Variants in ADGRL2 observed in about 807,000 individuals in gnomAD.
The protein encoded by ADGRL2 is calcium-independent alpha-latrotoxin receptor 2.
ADGRL2 carries 44 observed loss-of-function variants against 157.4 expected under a neutral mutation model. The ratio of observed to expected loss-of-function variants is 0.28; its 90% CI spans 0.22 to 0.36. The LOEUF (loss-of-function observed/expected upper bound fraction) is 0.36, where lower values mean the gene tolerates loss of function less well. Ranked by LOEUF, ADGRL2 falls within the 10% of genes least tolerant of loss-of-function variation. ADGRL2 has a pLI of 1.00. For missense variants in ADGRL2, 1,510 were observed against 1,768.9 expected, an observed-to-expected ratio of 0.85 and a Z score of 2.63; for synonymous variants, 585 against 624.7, an observed-to-expected ratio of 0.94 and a Z score of 0.95.
chr1:81,530,455 C>T (rs1416280736), intron 2 of ADGRL2, among the ~76,000 whole-genome samples: 1 of 151,820 alleles, frequency 6.6e-6, no homozygotes, highest in East Asian at 1.9e-4. Context: ...TCAAGCAGTC[C>T]TCCCACCTCA....
chr1:81,966,278 A>G, intron 12 of ADGRL2, 95 bp downstream of exon 12: 1 of 1,548,190 alleles, frequency 6.5e-7, no homozygotes, highest in East Asian at 2.3e-5. Context: ...TAACAAAAAA[A>G]CGGCTTACCA....
chr1:81,405,093 G>A (rs2076829505), intron 1 of ADGRL2, among the ~76,000 whole-genome samples: 1 of 152,128 alleles, frequency 6.6e-6, no homozygotes, highest in Admixed American at 6.5e-5. Flanking sequence ...ATGGAACAGA[G>A]TACATATACT....
intron 2 of ADGRL2, among the ~76,000 whole-genome samples, chr1:81,896,697 T>C (rs1450234427): frequency 6.6e-6 from 1 of 152,132 alleles, no homozygotes; most frequent in Non-Finnish European, 1.5e-5. Context: ...AAGCATAAAG[T>C]AAAATAAAGT....
intron 1 of ADGRL2, among the ~76,000 whole-genome samples, chr1:81,731,862 A>T (rs2084735930): frequency 6.6e-6 from 1 of 152,190 alleles, no homozygotes; most frequent in African/African-American, 2.4e-5. Flanking sequence ...TGTGCTAAGC[A>T]CTTGAGATAC....
intron 2 of ADGRL2, among the ~76,000 whole-genome samples, chr1:81,866,277 A>G (rs2093540992): frequency 6.6e-6 from 1 of 152,118 alleles, no homozygotes; most frequent in South Asian, 2.1e-4. Context: ...TTTCATAGCC[A>G]TTATATGGAA....
chr1:81,563,896 A>ATGTTT (rs2080500925), intron 2 of ADGRL2, among the ~76,000 whole-genome samples: 2 of 152,206 alleles, frequency 1.3e-5, no homozygotes, highest in African/African-American at 2.4e-5. Context: ...TAGGTACTAA[A>ATGTTT]TGTTTTGTTT....
At chr1:81,529,181 A>G (rs2079542838) in intron 2 of ADGRL2, among the ~76,000 whole-genome samples, 1 of 152,208 alleles carries the variant, frequency 6.6e-6, no homozygotes, top group Admixed American at 6.5e-5. Context: ...ATAGAATCCC[A>G]GGAGGGAAGT....
At position 81,506,036 on chromosome 1, in the gene ADGRL2, A is replaced by C. The variant is rs1039262598; in HGVS notation, c.-248+60947A>C. 2.9e-5 allele frequency: 5 copies of C among 173,726 alleles called. 1 individual carries two copies. The South Asian group carries it at 5.2e-4, about 18-fold the overall frequency. The allele number at this position is 173,726 out of a possible 1,614,324, so 10.8% of individuals were successfully genotyped here. On this transcript the variant is annotated intron_variant, in intron 2 of 24. Coordinates refer to the ADGRL2 transcript ENST00000370721. ...AAGAGACAGACTGGTGAGCATGCAA[A>C]ATTACAGGAAATGCAGAGAACAAAA...
chr1:81,452,268 G>A (rs2077716076), intron 2 of ADGRL2, among the ~76,000 whole-genome samples: 1 of 152,086 alleles, frequency 6.6e-6, no homozygotes, highest in South Asian at 2.1e-4. Flanking sequence ...TAAAAATAAT[G>A]TTTGATTATT....
intron 3 of ADGRL2, among the ~76,000 whole-genome samples, chr1:81,597,523 T>C (rs930259021): frequency 1.3e-5 from 2 of 152,214 alleles, no homozygotes; most frequent in African/African-American, 4.8e-5. Context: ...ACGTATATTA[T>C]CTCATTTGAT....
At chr1:81,572,209 C>T (rs1319897868) in intron 2 of ADGRL2, among the ~76,000 whole-genome samples, 1 of 152,190 alleles carries the variant, frequency 6.6e-6, no homozygotes, top group African/African-American at 2.4e-5. Context: ...ACTTTTACTG[C>T]AGTTGTTTTT....
chr1:81,840,585 A>C (rs114101741), intron 2 of ADGRL2, among the ~76,000 whole-genome samples: 1 of 152,070 alleles, frequency 6.6e-6, no homozygotes, highest in Admixed American at 6.6e-5. Context: ...CAAAGGTTTA[A>C]TTGTTATATC....
intron 1 of ADGRL2, among the ~76,000 whole-genome samples, chr1:81,317,060 G>C (rs1290012785): frequency 6.6e-6 from 1 of 152,022 alleles, no homozygotes; most frequent in Non-Finnish European, 1.5e-5. Context: ...TTGCTTCCCT[G>C]GTGACATTTG....
chr1:81,417,340 T>C (rs1356267170), intron 1 of ADGRL2, among the ~76,000 whole-genome samples: 1 of 152,188 alleles, frequency 6.6e-6, no homozygotes, highest in Non-Finnish European at 1.5e-5. Context: ...ATAATTTTGG[T>C]TCATTAACTT....
chr1:81,651,921 C>A (rs1164926866), intron 3 of ADGRL2, among the ~76,000 whole-genome samples: 1 of 152,018 alleles, frequency 6.6e-6, no homozygotes, highest in Non-Finnish European at 1.5e-5. Flanking sequence ...ACAGGGGTCT[C>A]ACTATGTTGT....
chr1:81,435,722 GA>G (rs1187970517), intron 1 of ADGRL2, among the ~76,000 whole-genome samples: 2 of 152,114 alleles, frequency 1.3e-5, no homozygotes, highest in Non-Finnish European at 2.9e-5. Flanking sequence ...AAAAACTGTT[GA>G]ATAATATTTC....
intron 2 of ADGRL2, among the ~76,000 whole-genome samples, chr1:81,520,604 T>A (rs1398195078): frequency 6.6e-6 from 1 of 152,154 alleles, no homozygotes; most frequent in East Asian, 1.9e-4. Context: ...GATGGTTTTA[T>A]AAGTGTTTGA....
intron 3 of ADGRL2, among the ~76,000 whole-genome samples, chr1:81,636,713 A>G (rs1250923306): frequency 1.3e-5 from 2 of 152,224 alleles, no homozygotes; most frequent in African/African-American, 2.4e-5. Flanking sequence ...ATAAGACTGG[A>G]AACAGTAGAC....
At chr1:81,373,624 A>T (rs981420711) in intron 1 of ADGRL2, among the ~76,000 whole-genome samples, 11 of 152,216 alleles carry the variant, frequency 7.2e-5, no homozygotes, top group African/African-American at 1.9e-4. Context: ...CTCTTGTAAA[A>T]CATGGAAAAA....
Sources: gnomAD v4.1 joint callset for allele counts (sites outside exome capture counted in the v4.1 genomes callset) on GRCh38, gnomAD v4.1.1 for gene constraint, MANE v1.5 for transcripts, NCBI Gene and HGNC (gene_info 2026-07-23, HGNC 2026-07-21) for gene names.